The following GLIS3 variants were observed in gnomAD, a reference collection of about 807,000 sequenced individuals.
The protein encoded by GLIS3 is zinc finger protein GLIS3.
In GLIS3, 53 loss-of-function variants were observed where a neutral mutation model predicts 78.6. The ratio of observed to expected loss-of-function variants is 0.67; its 90% CI spans 0.54 to 0.85. GLIS3 has a LOEUF of 0.85. Ranked by LOEUF, GLIS3 falls within the 40% of genes least tolerant of loss-of-function variation. The pLI is 0.00. For synonymous variants in GLIS3, 684 were observed against 509.9 expected, an observed-to-expected ratio of 1.34 and a Z score of -4.60; for missense variants, 1,703 against 1,231.1, an observed-to-expected ratio of 1.38 and a Z score of -5.74.
chr9:4,467,793 G>A, the GLIS3 span, among the ~76,000 whole-genome samples: 7 of 152,182 alleles, frequency 4.6e-5, no homozygotes, highest in Non-Finnish European at 8.8e-5. Context: ...CGACTCTGAC[G>A]AGTTGAGAGA....
At chr9:4,192,819 AAAG>A (rs1010443078) in intron 2 of GLIS3, among the ~76,000 whole-genome samples, 3 of 151,880 alleles carry the variant, frequency 2.0e-5, no homozygotes, top group African/African-American at 7.3e-5. Context: ...AAAAAAAAAA[AAAG>A]AAGAAGAAGA....
intron 8 of GLIS3, among the ~76,000 whole-genome samples, chr9:3,867,622 C>T (rs925418703): frequency 3.3e-5 from 5 of 152,200 alleles, no homozygotes; most frequent in Non-Finnish European, 5.9e-5. Context: ...AAGCTTTCAT[C>T]TCCATTTTCA....
At chr9:4,279,184 A>G (rs1827298693) in intron 2 of GLIS3, among the ~76,000 whole-genome samples, 1 of 151,106 alleles carries the variant, frequency 6.6e-6, no homozygotes, top group Non-Finnish European at 1.5e-5. Context: ...CTGTAATCCC[A>G]GCTACTCATG....
At chr9:4,122,362 A>G (rs1188931171) in intron 3 of GLIS3, among the ~76,000 whole-genome samples, 1 of 152,206 alleles carries the variant, frequency 6.6e-6, no homozygotes, top group East Asian at 1.9e-4. Context: ...CCCCTAAAAG[A>G]ATTAGTACTG....
intron 9 of GLIS3, among the ~76,000 whole-genome samples, chr9:3,833,840 C>T (rs2129988989): frequency 6.6e-6 from 1 of 152,194 alleles, no homozygotes; most frequent in Non-Finnish European, 1.5e-5. Flanking sequence ...AAATGTATTC[C>T]ACCTAAACTG....
At chr9:4,197,568 C>A (rs562683239) in intron 2 of GLIS3, among the ~76,000 whole-genome samples, 1 of 152,212 alleles carries the variant, frequency 6.6e-6, no homozygotes, top group Non-Finnish European at 1.5e-5. Flanking sequence ...CCACTGGATT[C>A]TCCCTTGGTG....
intron 2 of GLIS3, among the ~76,000 whole-genome samples, chr9:4,271,579 T>G (rs187100673): frequency 1.2e-4 from 18 of 152,300 alleles, no homozygotes; most frequent in Admixed American, 1.1e-3. Context: ...AAGTGGCATA[T>G]TCTTACAGTT....
chr9:4,265,309 G>A (rs954149366), intron 2 of GLIS3, among the ~76,000 whole-genome samples: 1 of 151,938 alleles, frequency 6.6e-6, no homozygotes, highest in African/African-American at 2.4e-5. Context: ...CATTTCTCAT[G>A]TACCAGGCAT....
intron 4 of GLIS3, among the ~76,000 whole-genome samples, chr9:4,088,617 A>G (rs557368852): frequency 2.6e-5 from 4 of 152,366 alleles, no homozygotes; most frequent in African/African-American, 9.6e-5. Flanking sequence ...AATTCACTTC[A>G]ATAAATATTT....
At chr9:4,284,825 G>C (rs753809312) in intron 2 of GLIS3, among the ~76,000 whole-genome samples, 1 of 152,066 alleles carries the variant, frequency 6.6e-6, no homozygotes, top group Non-Finnish European at 1.5e-5. Context: ...GACTGAAGCA[G>C]GAGGATCACT....
chr9:3,852,737 G>T (rs1819511918), intron 9 of GLIS3, among the ~76,000 whole-genome samples: 1 of 139,072 alleles, frequency 7.2e-6, no homozygotes, highest in South Asian at 2.3e-4. Flanking sequence ...ACTACTAGCA[G>T]TGGACCAATG....
chr9:4,316,766 A>C (rs1294192249), intron 2 of GLIS3, among the ~76,000 whole-genome samples: 1 of 152,194 alleles, frequency 6.6e-6, no homozygotes, highest in African/African-American at 2.4e-5. Flanking sequence ...AACTGGAATA[A>C]GCTGGTACAT....
At chr9:4,366,671 G>C in the GLIS3 span, among the ~76,000 whole-genome samples, 1 of 152,244 alleles carries the variant, frequency 6.6e-6, no homozygotes, top group African/African-American at 2.4e-5. Context: ...ATGGCGACGA[G>C]GAGAGGCCTT....
At chr9:4,066,034 G>C (rs376223209) in intron 4 of GLIS3, among the ~76,000 whole-genome samples, 1 of 43,386 alleles carries the variant, frequency 2.3e-5, no homozygotes, top group Non-Finnish European at 5.0e-5. Context: ...ATGACCCAAA[G>C]AATATAAAAA....
chr9:4,100,184 G>T (rs956425928), intron 4 of GLIS3, among the ~76,000 whole-genome samples: 1 of 152,188 alleles, frequency 6.6e-6, no homozygotes, highest in South Asian at 2.1e-4. Context: ...ACCAGAACAG[G>T]TGGTGTAGTA....
chr9:4,161,289 TAAG>T (rs1422169595), intron 2 of GLIS3, among the ~76,000 whole-genome samples: 1 of 151,828 alleles, frequency 6.6e-6, no homozygotes, highest in African/African-American at 2.4e-5. Flanking sequence ...AATAAACAAA[TAAG>T]AATCTTAAAA....
the GLIS3 span, among the ~76,000 whole-genome samples, chr9:4,392,190 TGAGA>T: frequency 6.8e-6 from 1 of 147,572 alleles, no homozygotes; most frequent in Non-Finnish European, 1.5e-5. Context: ...CGCTGAACGA[TGAGA>T]GCACATGGAC....
chr9:4,340,907 G>A (rs559764895), intron 2 of GLIS3, among the ~76,000 whole-genome samples: 69 of 152,206 alleles, frequency 4.5e-4, no homozygotes, highest in African/African-American at 1.4e-3. Flanking sequence ...TGTTGGCCAG[G>A]CTGGTCTCAA....
chr9:4,390,528 G>C, the GLIS3 span, among the ~76,000 whole-genome samples: 1 of 152,194 alleles, frequency 6.6e-6, no homozygotes, highest in Admixed American at 6.5e-5. Flanking sequence ...ATCATGCCCA[G>C]TGGTACTTGA....
Sources: allele counts gnomAD v4.1 joint callset (sites outside exome capture counted in the v4.1 genomes callset), GRCh38; gene constraint gnomAD v4.1.1; transcripts MANE v1.5; gene names NCBI Gene and HGNC (gene_info 2026-07-23, HGNC 2026-07-21).